Variants in ABCC4 observed in about 807,000 individuals in gnomAD.
ABCC4 encodes the protein ATP binding cassette subfamily C member 4 (PEL blood group), also known as ATP-binding cassette sub-family C member 4.
A neutral mutation model predicts 168.5 loss-of-function variants in ABCC4; 102 were observed. The ratio of observed to expected loss-of-function variants is 0.61; its 90% CI spans 0.52 to 0.71. The LOEUF is 0.71. Ranked by LOEUF, ABCC4 falls within the 30% of genes least tolerant of loss-of-function variation. The pLI is 0.00. For missense variants in ABCC4, 1,402 were observed against 1,605.8 expected, an observed-to-expected ratio of 0.87 and a Z score of 2.17; for synonymous variants, 617 against 590.7, an observed-to-expected ratio of 1.04 and a Z score of -0.65.
intron 4 of ABCC4, among the ~76,000 whole-genome samples, chr13:95,226,318 T>A (rs1048590035): frequency 7.2e-5 from 11 of 152,254 alleles, no homozygotes; most frequent in Non-Finnish European, 1.6e-4. Context: ...TGGGTAACTT[T>A]CACTATTTGA....
At chr13:95,193,117 C>T (rs1254401966) in intron 9 of ABCC4, among the ~76,000 whole-genome samples, 1 of 152,086 alleles carries the variant, frequency 6.6e-6, no homozygotes, top group Non-Finnish European at 1.5e-5. Flanking sequence ...GAGTGCAATA[C>T]TTAGAGCCAA....
At chr13:95,190,447 G>C (rs1310669360) in intron 9 of ABCC4, among the ~76,000 whole-genome samples, 1 of 152,184 alleles carries the variant, frequency 6.6e-6, no homozygotes, top group East Asian at 1.9e-4. Flanking sequence ...GTGTATCAGG[G>C]AGAAGGGATA....
At chr13:95,184,747 A>G (rs1404507918) in intron 11 of ABCC4, among the ~76,000 whole-genome samples, 1 of 152,230 alleles carries the variant, frequency 6.6e-6, no homozygotes, top group Non-Finnish European at 1.5e-5. Context: ...CTGAAAGACA[A>G]GGCCCAGGTT....
At chr13:95,227,441 A>T (rs2039497059) in intron 4 of ABCC4, among the ~76,000 whole-genome samples, 1 of 152,224 alleles carries the variant, frequency 6.6e-6, no homozygotes, top group African/African-American at 2.4e-5. Flanking sequence ...TTAACGTATT[A>T]TGGACAATGT....
intron 11 of ABCC4, 133 bp downstream of exon 11, chr13:95,186,568 G>A: frequency 1.4e-6 from 1 of 700,852 alleles, no homozygotes; most frequent in Non-Finnish European, 2.2e-6. Flanking sequence ...TTTACTGGGA[G>A]GACCGCCTTA....
chr13:95,083,860 G>T (rs1174974763), intron 20 of ABCC4, among the ~76,000 whole-genome samples: 1 of 152,052 alleles, frequency 6.6e-6, no homozygotes, highest in Non-Finnish European at 1.5e-5. Flanking sequence ...AGCCTCATGA[G>T]TCAGGCATTA....
chr13:95,095,009 G>A (rs1445723099), intron 20 of ABCC4, among the ~76,000 whole-genome samples: 3 of 152,172 alleles, frequency 2.0e-5, no homozygotes, highest in African/African-American at 7.2e-5. Context: ...TGTTGGCATG[G>A]ATGCAGTGAT....
chr13:95,163,318 G>A, intron 17 of ABCC4, 102 bp from the exon 18 acceptor site: 1 of 796,814 alleles, frequency 1.3e-6, no homozygotes, highest in South Asian at 1.7e-5. Flanking sequence ...GCTTCATGCT[G>A]GAAAATGATT....
At chr13:95,147,287 G>A (rs1225097444) in intron 19 of ABCC4, among the ~76,000 whole-genome samples, 2 of 152,114 alleles carry the variant, frequency 1.3e-5, no homozygotes, top group African/African-American at 4.8e-5. Flanking sequence ...GTTTATTAAT[G>A]GTAATAGTGC....
At chr13:95,207,568 T>C (rs1215276916) in intron 7 of ABCC4, among the ~76,000 whole-genome samples, 1 of 152,224 alleles carries the variant, frequency 6.6e-6, no homozygotes, top group Non-Finnish European at 1.5e-5. Context: ...AATTTCACTT[T>C]TGTATTAGTA....
intron 18 of ABCC4, among the ~76,000 whole-genome samples, chr13:95,162,313 G>C (rs2037124017): frequency 6.6e-6 from 1 of 152,210 alleles, no homozygotes; most frequent in African/African-American, 2.4e-5. Context: ...AAATTTCACT[G>C]AGTAGGTTCT....
chr13:95,026,888 CAAA>C (rs35654581), intron 30 of ABCC4, among the ~76,000 whole-genome samples: 3 of 142,576 alleles, frequency 2.1e-5, no homozygotes, highest in Non-Finnish European at 1.5e-5. Context: ...GACCCTGTCT[CAAA>C]AAAAAAAAAG....
intron 16 of ABCC4, among the ~76,000 whole-genome samples, chr13:95,164,013 C>G (rs1389655777): frequency 1.4e-5 from 2 of 140,922 alleles, no homozygotes; most frequent in African/African-American, 5.3e-5. Flanking sequence ...TGCACTCCAA[C>G]CTGGGCAACA....
intron 26 of ABCC4, chr13:95,054,020 CCTTTTTT>C (rs2032953930): frequency 4.1e-5 from 3 of 73,168 alleles, no homozygotes; most frequent in African/African-American, 7.1e-5. Context: ...AATGGGACAT[CCTTTTTT>C]TTTTTTTTTT....
intron 19 of ABCC4, among the ~76,000 whole-genome samples, chr13:95,141,056 G>C (rs192838937): frequency 9.7e-4 from 148 of 152,174 alleles, no homozygotes; most frequent in Middle Eastern, 3.4e-3. Context: ...CCAATCTCTC[G>C]GGCAGTCATA....
At chr13:95,142,910 G>T (rs114479588) in intron 19 of ABCC4, among the ~76,000 whole-genome samples, 3,282 of 152,022 alleles carry the variant, frequency 0.022, 101 homozygotes, top group African/African-American at 0.069. Context: ...ATAATAATAA[G>T]AAGAAGAAAC....
chr13:95,115,852 A>G, intron 20 of ABCC4, 70 bp downstream of exon 20: 2 of 1,361,300 alleles, frequency 1.5e-6, no homozygotes, highest in Non-Finnish European at 2.1e-6. Context: ...CCCAGACCCC[A>G]TGAAAAGGGC....
intron 18 of ABCC4, 100 bp from the exon 19 acceptor site, chr13:95,161,435 T>C: frequency 1.1e-6 from 1 of 932,948 alleles, no homozygotes; most frequent in Non-Finnish European, 1.5e-6. Context: ...TGTTACTTAA[T>C]TTATTCCATA....
intron 4 of ABCC4, among the ~76,000 whole-genome samples, chr13:95,225,143 TCTCTCTCTCTCACACACACACA>T (rs1421779097): frequency 2.0e-5 from 1 of 49,178 alleles, no homozygotes; most frequent in Non-Finnish European, 4.2e-5. Context: ...TCTGTCTGTC[TCTCTCTCTCTCACACACACACA>T]CACACACACA....
Sources: allele counts gnomAD v4.1 joint callset (sites outside exome capture counted in the v4.1 genomes callset), GRCh38; gene constraint gnomAD v4.1.1; transcripts MANE v1.5; gene names NCBI Gene and HGNC (gene_info 2026-07-23, HGNC 2026-07-21).